DYM: variants seen among roughly 807,000 people sequenced by gnomAD.
DYM encodes the protein dyggve-Melchior-Clausen syndrome protein.
DYM carries 78 observed loss-of-function variants against 93.1 expected under a neutral mutation model. The observed-to-expected ratio is 0.84, with a 90% CI of 0.70 to 1.01. The LOEUF (loss-of-function observed/expected upper bound fraction) is 1.01, where lower values mean the gene tolerates loss of function less well. Ranked by LOEUF, DYM falls within the 50% of genes least tolerant of loss-of-function variation. DYM has a pLI of 0.00. For missense variants in DYM, 789 were observed against 845.0 expected (o/e 0.93, Z 0.82); for synonymous variants, 321 against 319.7 (o/e 1.00, Z -0.04).
chr18:49,074,125 A>G (rs2077115622), intron 17 of DYM, among the ~76,000 whole-genome samples: 1 of 152,172 alleles, frequency 6.6e-6, no homozygotes, highest in Admixed American at 6.5e-5. Context: ...GCAAAACTAA[A>G]TTTACACAGT....
rs527960816 is a variant in DYM, at chr18:49,223,564, T to C, written c.1461-13849A>G. Among the ~76,000 whole-genome samples the C allele has an allele frequency of 2.0e-5, 3 of 152,260 alleles. No individual in the cohort carries two copies. In the East Asian group the frequency reaches 5.8e-4, roughly 29 times the overall value. On this transcript the variant is annotated intron_variant, in intron 13 of 17. Coordinates refer to ENST00000675505, the MANE Select transcript of DYM (RefSeq NM_001353214.3). The stretch of plus-strand genomic sequence containing the variant: ...TCAGGCATAATGTGAATATGGGTTT[T>C]GAATCAGCTAATATTAAGGGAAGTG...
chr18:49,160,058 T>G (rs2086911146), intron 15 of DYM, among the ~76,000 whole-genome samples: 1 of 152,172 alleles, frequency 6.6e-6, no homozygotes, highest in African/African-American at 2.4e-5. Flanking sequence ...CTTTAACAAT[T>G]CTCTCCTGTC....
chr18:49,315,648 T>C (rs533424371), intron 8 of DYM, among the ~76,000 whole-genome samples: 1 of 152,216 alleles, frequency 6.6e-6, no homozygotes, highest in Non-Finnish European at 1.5e-5. Flanking sequence ...TAAATACATT[T>C]CAAATAATTA....
intron 2 of DYM, among the ~76,000 whole-genome samples, chr18:49,417,369 CA>C (rs2073115243): frequency 6.6e-5 from 10 of 151,978 alleles, no homozygotes; most frequent in Admixed American, 6.6e-4. Context: ...AGGCTGGTCT[CA>C]AACTCTTAGT....
intron 1 of DYM, among the ~76,000 whole-genome samples, chr18:49,457,922 C>T: frequency 6.6e-6 from 1 of 152,096 alleles, no homozygotes; most frequent in Non-Finnish European, 1.5e-5. Context: ...AGGAGGTACG[C>T]CACAAGCCAA....
At chr18:49,189,444 T>C (rs374135548) in intron 14 of DYM, among the ~76,000 whole-genome samples, 147 of 152,276 alleles carry the variant, frequency 9.7e-4, no homozygotes, top group African/African-American at 3.2e-3. Flanking sequence ...CATTAGATAA[T>C]ATGCTGTTAT....
intron 8 of DYM, among the ~76,000 whole-genome samples, chr18:49,295,005 C>T (rs1248286415): frequency 6.6e-6 from 1 of 152,072 alleles, no homozygotes; most frequent in African/African-American, 2.4e-5. Context: ...GTAATGAGTT[C>T]CTGTTAGGGT....
At chr18:49,284,952 C>G (rs1037080947) in intron 9 of DYM, among the ~76,000 whole-genome samples, 1 of 152,178 alleles carries the variant, frequency 6.6e-6, no homozygotes, top group Non-Finnish European at 1.5e-5. Flanking sequence ...GGGCCCATCT[C>G]TCATCAATAG....
chr18:49,055,091 A>G (rs1599391916), intron 17 of DYM, among the ~76,000 whole-genome samples: 1 of 152,280 alleles, frequency 6.6e-6, no homozygotes, highest in Middle Eastern at 3.4e-3. Context: ...GGGAAGGTAC[A>G]GACTCTCCTG....
chr18:49,103,589 A>G (rs555230513), intron 16 of DYM, among the ~76,000 whole-genome samples: 36 of 152,234 alleles, frequency 2.4e-4, no homozygotes, highest in African/African-American at 8.4e-4. Context: ...TAATTTTTGT[A>G]TAAGGTGTAA....
chr18:49,425,020 C>A (rs1690657214), intron 2 of DYM, among the ~76,000 whole-genome samples: 1 of 152,104 alleles, frequency 6.6e-6, no homozygotes, highest in Non-Finnish European at 1.5e-5. Flanking sequence ...CGATGACTTT[C>A]TTTACAGAAT....
chr18:49,172,303 A>G (rs534483892), intron 14 of DYM, among the ~76,000 whole-genome samples: 1 of 152,318 alleles, frequency 6.6e-6, no homozygotes, highest in African/African-American at 2.4e-5. Context: ...GCTGCTGTAA[A>G]CAGTTGTACA....
intron 6 of DYM, among the ~76,000 whole-genome samples, chr18:49,339,213 T>C (rs994264426): frequency 6.6e-6 from 1 of 152,260 alleles, no homozygotes; most frequent in African/African-American, 2.4e-5. Flanking sequence ...AGAGAACCTA[T>C]GTCCATTCAC....
rs563176233 is a variant in DYM at position 49,130,874 on chromosome 18, C to T, written c.1729-11948G>A. On this transcript the variant is annotated intron_variant, in intron 15 of 17. Coordinates refer to ENST00000675505, the MANE Select transcript of DYM (RefSeq NM_001353214.3). ...GTTGGGGGTTTTGTGGGGAGGAGGA[C>T]ATAGACAAATAGTAGGAACATAGGC... 5.9e-5 allele frequency among the ~76,000 whole-genome samples: 9 copies of T among 152,224 alleles called. No homozygotes were observed. In the South Asian group the frequency reaches 1.0e-3, roughly 18 times the overall value.
chr18:49,179,991 A>G (rs900476289), intron 14 of DYM, among the ~76,000 whole-genome samples: 25 of 152,256 alleles, frequency 1.6e-4, no homozygotes, highest in African/African-American at 6.0e-4. Flanking sequence ...GACCTAGACT[A>G]TAAATGTTAG....
At chr18:49,107,903 T>C (rs551121059) in intron 16 of DYM, among the ~76,000 whole-genome samples, 6 of 152,314 alleles carry the variant, frequency 3.9e-5, no homozygotes, top group South Asian at 2.1e-4. Flanking sequence ...TCCAGCTGCA[T>C]GCTGGGAGAA....
At chr18:49,198,588 A>T (rs140157177) in intron 14 of DYM, among the ~76,000 whole-genome samples, 1 of 151,670 alleles carries the variant, frequency 6.6e-6, no homozygotes, top group African/African-American at 2.4e-5. Flanking sequence ...GACACTTCTC[A>T]AAAGAAGACA....
chr18:49,298,747 C>A (rs893042687), intron 8 of DYM, among the ~76,000 whole-genome samples: 3 of 151,822 alleles, frequency 2.0e-5, no homozygotes, highest in Non-Finnish European at 2.9e-5. Flanking sequence ...TTATGAAGAT[C>A]GATTCCTGTT....
intron 8 of DYM, among the ~76,000 whole-genome samples, chr18:49,318,400 G>A (rs1402370499): frequency 3.9e-5 from 6 of 152,168 alleles, no homozygotes; most frequent in South Asian, 4.2e-4. Context: ...CAGGCAGCTC[G>A]AGAGGTCAGG....
Sources: gnomAD v4.1 joint callset for allele counts (sites outside exome capture counted in the v4.1 genomes callset) on GRCh38, gnomAD v4.1.1 for gene constraint, MANE v1.5 for transcripts, NCBI Gene and HGNC (gene_info 2026-07-23, HGNC 2026-07-21) for gene names.